The following HMMR variants were observed in gnomAD, a reference collection of about 807,000 sequenced individuals.
The protein encoded by HMMR is hyaluronan mediated motility receptor, also known as intracellular hyaluronic acid-binding protein.
In HMMR, 108 loss-of-function variants were observed where a neutral mutation model predicts 101.0. The ratio of observed to expected loss-of-function variants is 1.07; its 90% CI spans 0.92 to 1.25. The LOEUF is 1.25. Among genes scored for constraint, HMMR ranks in the 50% most tolerant of loss-of-function variants. The pLI, the probability that HMMR is intolerant of heterozygous loss-of-function variation, is 0.00. For missense variants in HMMR, 813 were observed against 788.7 expected, an observed-to-expected ratio of 1.03 and a Z score of -0.37; for synonymous variants, 296 against 276.4, an observed-to-expected ratio of 1.07 and a Z score of -0.70.
At chr5:163,480,917 G>A (rs1047078607) in intron 12 of HMMR, among the ~76,000 whole-genome samples, 3 of 151,914 alleles carry the variant, frequency 2.0e-5, no homozygotes, top group Non-Finnish European at 2.9e-5. Flanking sequence ...TCTGATGAGT[G>A]GAAATTCTTG....
rs377640177 is a variant in HMMR, at chr5:163,484,118, A to G, written c.1835A>G (p.His612Arg). ...EVEKQALLNE[H>R]GAAQEQLNKI... ...GAAAAACAGGCATTGTTGAATGAAC[A>G]TGGTGCAGCTCAGGAACAGCTAAAT... The change falls in exon 16 of 18, where the codon CAT becomes CGT. Residue 612 changes from histidine to arginine, a missense_variant. Physicochemically the swap from His to Arg is conservative, Grantham distance 29. Coordinates refer to ENST00000393915, the MANE Select transcript of HMMR (RefSeq NM_001142556.2). The G allele has an allele frequency of 1.6e-5, 26 of 1,602,478 alleles. No homozygotes were observed. Among genetic ancestry groups the G allele is most frequent in the African/African-American group, 1.6e-4 (12 of 74,494 alleles).
intron 13 of HMMR, 80 bp from the exon 14 acceptor site, chr5:163,482,940 G>C (rs1185645530): frequency 1.5e-6 from 2 of 1,371,836 alleles, no homozygotes; most frequent in African/African-American, 3.0e-5. Flanking sequence ...AGAGTTCCTT[G>C]AGGTTTAAAG....
At position 163,471,385 on chromosome 5, in the gene HMMR, G is replaced by C; in HGVS notation, c.572G>C (p.Gly191Ala). ...TAGGGTATGATGGCTAAGCAAGAAGGCATGGAGATGAAGCTGCAGGTCACC... is the reference window on the plus strand; with the variant it reads ...TAGGGTATGATGGCTAAGCAAGAAGCCATGGAGATGAAGCTGCAGGTCACC... ...KMRGMMAKQE[G>A]MEMKLQVTQR... Residue 191 changes from glycine to alanine, a missense_variant, in exon 7 of 18, where the codon GGC becomes GCC. Transcript: ENST00000393915. The C allele has an allele frequency of 1.9e-6, 3 of 1,614,086 alleles. No individual in the cohort carries two copies. The highest frequency in any genetic ancestry group is 2.5e-6 in the Non-Finnish European group (3 of 1,179,988).
chr5:163,470,876 C>A (rs1406133099), intron 5 of HMMR, among the ~76,000 whole-genome samples: 1 of 151,902 alleles, frequency 6.6e-6, no homozygotes, highest in Non-Finnish European at 1.5e-5. Flanking sequence ...CACCGGTAAT[C>A]CCAGCTACTC....
At chr5:163,462,124 G>A (rs1350228434) in intron 1 of HMMR, among the ~76,000 whole-genome samples, 1 of 152,224 alleles carries the variant, frequency 6.6e-6, no homozygotes, top group Non-Finnish European at 1.5e-5. Context: ...ATGATTTCCC[G>A]AGTAATCAAA....
rs376642365 is a variant in HMMR, at chr5:163,467,717, A to G, written c.242A>G (p.Asn81Ser). Residue 81 changes from asparagine (N) to serine (S), a missense_variant, in exon 4 of 18, where the codon AAT (asparagine) becomes AGT (serine). Physicochemically the swap from Asn to Ser is conservative, Grantham distance 46. Coordinates refer to ENST00000393915, the MANE Select transcript of HMMR (RefSeq NM_001142556.2). ...TTTAAACAGAAGGAATCTCAAAAGA[A>G]TGATAAAGATTTGAAGATATTAGAG... ...SSESKKESQK[N>S]DKDLKILEKE... 6.5e-7 allele frequency: 1 copy of G among 1,533,898 alleles called. No individual in the cohort carries two copies. The highest frequency in any genetic ancestry group is 9.0e-7 in the Non-Finnish European group (1 of 1,110,766).
intron 10 of HMMR, among the ~76,000 whole-genome samples, 183 bp from the exon 11 acceptor site, chr5:163,475,275 A>G (rs367663428): frequency 1.3e-5 from 2 of 152,130 alleles, no homozygotes; most frequent in African/African-American, 2.4e-5. Context: ...TATTTGCCAC[A>G]ATGTTAACAA....
intron 16 of HMMR, among the ~76,000 whole-genome samples, chr5:163,485,180 A>G (rs905770601): frequency 1.3e-5 from 2 of 152,164 alleles, no homozygotes; most frequent in Non-Finnish European, 2.9e-5. Flanking sequence ...TCTACATTTA[A>G]TCATTTCAGG....
rs149132385 is a variant in HMMR at position 163,473,351 on chromosome 5, C to A, written c.726-28C>A. 7.2e-5 allele frequency: 114 copies of A among 1,578,270 alleles called. No homozygotes were observed. In the Middle Eastern group the frequency reaches 1.2e-3, roughly 16 times the overall value. ...TTTTCCCTGTGCCTAAATAGATGTGCTTTTTAAGATAATTTGTTTTAATGC... is the reference window on the plus strand; with the variant it reads ...TTTTCCCTGTGCCTAAATAGATGTGATTTTTAAGATAATTTGTTTTAATGC... On this transcript the variant is annotated intron_variant, in intron 8 of 17. Transcript: ENST00000393915.
chr5:163,486,917 A>G lies in HMMR; in HGVS notation c.1962+2672A>G, dbSNP rs538949834. Among the ~76,000 whole-genome samples the G allele has an allele frequency of 4.6e-5, 7 of 152,354 alleles. No individual in the cohort carries two copies. The East Asian group carries it at 1.3e-3, about 29-fold the overall frequency. ...AACATGGTGAAACCTCGTCTCTACT[A>G]AAAATACAAAAGTTAGCTAGGTGTG... On this transcript the variant is annotated intron_variant, in intron 16 of 17. Coordinates refer to ENST00000393915, the MANE Select transcript of HMMR (RefSeq NM_001142556.2).
chr5:163,484,483 T>G (rs183783308), intron 16 of HMMR, among the ~76,000 whole-genome samples: 13 of 152,298 alleles, frequency 8.5e-5, no homozygotes, highest in Admixed American at 7.8e-4. Flanking sequence ...TTGGATGAAT[T>G]CATTAAGCTT....
chr5:163,471,175 T>C lies in HMMR; in HGVS notation c.463-10T>C. On this transcript the variant is annotated splice_polypyrimidine_tract_variant and intron_variant, in intron 5 of 17. Coordinates refer to ENST00000393915, the MANE Select transcript of HMMR (RefSeq NM_001142556.2). ...TATTTCTGAATTTTTTACGTGTTTG[T>C]TGTATTTAGTTTTCTGAAAATGGTA... 6.6e-7 allele frequency: 1 copy of C among 1,523,522 alleles called. No individual in the cohort carries two copies. The highest frequency in any genetic ancestry group is 9.1e-7 in the Non-Finnish European group (1 of 1,099,162). The allele number at this position is 1,523,522 out of a possible 1,614,324, so 94.4% of individuals were successfully genotyped here.
intron 17 of HMMR, 83 bp from the exon 18 acceptor site, chr5:163,491,029 A>G (rs571716259): frequency 1.5e-6 from 1 of 675,866 alleles, no homozygotes; most frequent in South Asian, 2.2e-5. Flanking sequence ...TAAAGAAGAT[A>G]CAAGGCCTGT....
At chr5:163,469,941 G>A (rs986936249) in intron 5 of HMMR, 112 bp downstream of exon 5, 1 of 648,954 alleles carries the variant, frequency 1.5e-6, no homozygotes, top group African/African-American at 1.9e-5. Context: ...GCCAAGGCAG[G>A]CGGATCACCT....
chr5:163,483,027 C>G lies in HMMR; in HGVS notation c.1540C>G (p.Leu514Val). 1 of 1,599,534 alleles carries G rather than the reference C, an allele frequency of 6.3e-7. No homozygotes were observed. The highest frequency in any genetic ancestry group is 1.4e-5 in the African/African-American group (1 of 73,730). The part of the protein sequence containing the change: ...SSNQEYVRML[L>V]DLQTKSALKE... ...TTCTCTCTCAAACCAAAGGATGCTT[C>G]TAGATCTGCAGACCAAGTCAGCACT... The change falls in exon 14 of 18, where the codon CTA becomes GTA. Residue 514 changes from leucine to valine, a missense_variant. By Grantham distance (32) the Leu-to-Val change is conservative. Transcript: ENST00000393915.
In HMMR at chr5:163,482,731, C is replaced by T; in HGVS notation, c.1475C>T (p.Ala492Val). 6.2e-7 allele frequency: 1 copy of T among 1,613,628 alleles called. No individual in the cohort carries two copies. Among genetic ancestry groups the T allele is most frequent in the Non-Finnish European group, 8.5e-7 (1 of 1,179,648 alleles). ...QEKAAKAGKN[A>V]EDVQHQILAT... The stretch of plus-strand genomic sequence containing the variant: ...AAAGCGGCCAAGGCTGGGAAAAATG[C>T]AGAGGATGTTCAGCATCAGATTTTG... Residue 492 changes from alanine (A) to valine (V), a missense_variant, in exon 13 of 18, where the codon GCA becomes GTA. Ala to Val is a moderately conservative substitution (Grantham distance 64). Coordinates refer to ENST00000393915, the MANE Select transcript of HMMR (RefSeq NM_001142556.2).
At chr5:163,477,526 GTGT>G (rs1759108993) in intron 11 of HMMR, among the ~76,000 whole-genome samples, 1 of 152,110 alleles carries the variant, frequency 6.6e-6, no homozygotes, top group African/African-American at 2.4e-5. Flanking sequence ...GTAATTAGGG[GTGT>G]TGTTCTATAC....
At chr5:163,475,835 G>GA (rs1759053285) in intron 11 of HMMR, among the ~76,000 whole-genome samples, 163 bp downstream of exon 11, 1 of 152,152 alleles carries the variant, frequency 6.6e-6, no homozygotes, top group South Asian at 2.1e-4. Flanking sequence ...AGTAGACACA[G>GA]AATGTGAACA....
Position 163,482,690 on chromosome 5 carries a change from C to G in HMMR, c.1434C>G (p.Asn478Lys), listed in dbSNP as rs1435796292. Residue 478 changes from asparagine to lysine, a missense_variant, in exon 13 of 18, where the codon AAC becomes AAG. Coordinates refer to ENST00000393915, the MANE Select transcript of HMMR (RefSeq NM_001142556.2). ...ASEIEDLKLE[N>K]SSLQEKAAKA... ...AGATAGAAGATCTTAAGCTGGAGAA[C>G]TCATCATTACAGGAAAAAGCGGCCA... 1.2e-6 allele frequency: 2 copies of G among 1,612,370 alleles called. No individual in the cohort carries two copies. The highest frequency in any genetic ancestry group is 1.7e-5 in the Admixed American group (1 of 60,006).
Sources: gnomAD v4.1 joint callset for allele counts (sites outside exome capture counted in the v4.1 genomes callset) on GRCh38, gnomAD v4.1.1 for gene constraint, MANE v1.5 for transcripts, NCBI Gene and HGNC (gene_info 2026-07-23, HGNC 2026-07-21) for gene names.